AKAP9: variants seen among roughly 807,000 people sequenced by gnomAD.
The protein encoded by AKAP9 is A-kinase anchor protein 9.
AKAP9 carries 311 observed loss-of-function variants against 488.5 expected under a neutral mutation model. The ratio of observed to expected loss-of-function variants is 0.64; its 90% confidence interval spans 0.58 to 0.70. The LOEUF (loss-of-function observed/expected upper bound fraction) is 0.70, where lower values mean the gene tolerates loss of function less well. Among genes scored for constraint, AKAP9 ranks in the 30% least tolerant of loss-of-function variants. AKAP9 has a pLI of 0.00. For missense variants in AKAP9, 4,215 were observed against 4,374.5 expected (o/e 0.96, Z 1.03); for synonymous variants, 1,462 against 1,483.5 (o/e 0.99, Z 0.33).
intron 1 of AKAP9, among the ~76,000 whole-genome samples, chr7:91,972,892 TTTAAG>T (rs1410735278): frequency 2.0e-5 from 3 of 152,192 alleles, no homozygotes; most frequent in African/African-American, 4.8e-5. Flanking sequence ...CTGTTTGATA[TTTAAG>T]TTATTTCCAG....
In AKAP9 at chr7:91,940,875, G is replaced by T; in HGVS notation, c.-225G>T. On this transcript the variant is annotated 5_prime_UTR_variant, in exon 1 of 50. Coordinates refer to ENST00000356239, the MANE Select transcript of AKAP9 (RefSeq NM_005751.5). ...CCGCCTCGCCGTGTGTTTACGTGGA[G>T]ACGAAGATGGCGGCGGCGGCGGCGG... 1 of 594,418 alleles carries T rather than the reference G, an allele frequency of 1.7e-6. No homozygotes were observed. The highest frequency in any genetic ancestry group is 3.0e-6 in the Non-Finnish European group (1 of 330,294). The allele number at this position is 594,418 out of a possible 1,614,324, so 36.8% of individuals were successfully genotyped here.
At chr7:92,043,555 C>A (rs1584289144) in intron 20 of AKAP9, among the ~76,000 whole-genome samples, 1 of 151,944 alleles carries the variant, frequency 6.6e-6, no homozygotes, top group East Asian at 1.9e-4. Flanking sequence ...TTAATCATTT[C>A]TCTTAAGTAG....
Position 92,005,246 on chromosome 7 carries a change from C to T in AKAP9, c.3318+2011C>T, listed in dbSNP as rs552522648. Among the ~76,000 whole-genome samples the T allele has an allele frequency of 3.5e-4, 53 of 152,178 alleles. 1 individual carries two copies. The highest frequency in any genetic ancestry group is 5.6e-4 in the Non-Finnish European group (38 of 68,020). On this transcript the variant is annotated intron_variant, in intron 8 of 49. Coordinates refer to ENST00000356239, the MANE Select transcript of AKAP9 (RefSeq NM_005751.5). ...AGTATTTTATTGAGGATTTTTGCAT[C>T]GATGTTCATCAGGATATTGGGAATG...
At chr7:92,029,639 T>C (rs1182673944) in intron 14 of AKAP9, among the ~76,000 whole-genome samples, 4 of 152,220 alleles carry the variant, frequency 2.6e-5, no homozygotes, top group Admixed American at 6.5e-5. Context: ...TCGGTACTTA[T>C]GGTTCCATAT....
chr7:92,064,732 G>C (rs1481926664), intron 24 of AKAP9, among the ~76,000 whole-genome samples: 3 of 152,144 alleles, frequency 2.0e-5, no homozygotes, highest in African/African-American at 4.8e-5. Flanking sequence ...TTCAATTATA[G>C]CTGTATTTAT....
chr7:92,089,595 CTTATTA>C (rs756997575), intron 38 of AKAP9, 66 bp downstream of exon 38: 27 of 1,498,862 alleles, frequency 1.8e-5, no homozygotes, highest in Middle Eastern at 1.8e-4. Context: ...TGTTTTCTTT[CTTATTA>C]TTATTAAGTT....
intron 3 of AKAP9, among the ~76,000 whole-genome samples, chr7:91,984,038 G>A (rs144430265): frequency 0.011 from 1,606 of 152,262 alleles, 25 homozygotes; most frequent in African/African-American, 0.037. Flanking sequence ...TTAGCCCTTT[G>A]TCAGATAAGT....
chr7:92,089,755 T>A, intron 38 of AKAP9: 1 of 472,558 alleles, frequency 2.1e-6, no homozygotes. Context: ...ATTCCCCTGA[T>A]AAGGTTAAGC....
At chr7:91,976,292 G>A (rs1795676176) in intron 2 of AKAP9, among the ~76,000 whole-genome samples, 1 of 152,110 alleles carries the variant, frequency 6.6e-6, no homozygotes, top group African/African-American at 2.4e-5. Flanking sequence ...TGCAATCATG[G>A]CTCACTGCAG....
At chr7:92,051,671 T>G (rs2130802890) in intron 21 of AKAP9, among the ~76,000 whole-genome samples, 1 of 152,316 alleles carries the variant, frequency 6.6e-6, no homozygotes, top group South Asian at 2.1e-4. Context: ...TGGCACCAGC[T>G]ACTTTAGCAA....
rs1195810597 is a variant in AKAP9 at position 92,106,768 on chromosome 7, GGA to G, written c.11417-523_11417-522del. On this transcript the variant is annotated intron_variant, in intron 47 of 49. Coordinates refer to ENST00000356239, the MANE Select transcript of AKAP9 (RefSeq NM_005751.5). ...TAAACCACCTTTACATACTCTACCAGGAGCTGAGCATCCTACAGAGGGGAAAT... is the reference window on the plus strand; with the variant it reads ...TAAACCACCTTTACATACTCTACCAGGCTGAGCATCCTACAGAGGGGAAAT... Among the ~76,000 whole-genome samples, 8 of 152,256 alleles carry G rather than the reference GGA, an allele frequency of 5.3e-5. No homozygotes were observed. In the South Asian group the frequency reaches 1.0e-3, roughly 20 times the overall value.
chr7:91,994,733 A>T lies in AKAP9; in HGVS notation c.689A>T (p.Glu230Val). The change falls in exon 6 of 50, where the codon GAG becomes GTG. Residue 230 changes from glutamate (E) to valine (V), a missense_variant. Transcript: ENST00000356239. The part of the protein sequence containing the change: ...EKDETMREFL[E>V]LTEQSQKLQI... ...GATGAGACAATGAGAGAATTTTTAG[A>T]GTTGACAGAACAGAGTCAAAAATTA... 1.2e-6 allele frequency: 2 copies of T among 1,613,134 alleles called. No individual in the cohort carries two copies. The highest frequency in any genetic ancestry group is 8.5e-7 in the Non-Finnish European group (1 of 1,179,600).
chr7:92,069,895 AACAG>A, intron 26 of AKAP9, 131 bp from the exon 27 acceptor site: 1 of 774,726 alleles, frequency 1.3e-6, no homozygotes, highest in South Asian at 1.8e-5. Flanking sequence ...CCATTTCTTA[AACAG>A]ACAAACAAAA....
intron 30 of AKAP9, among the ~76,000 whole-genome samples, chr7:92,078,304 T>TC (rs1190705716): frequency 4.7e-4 from 59 of 125,502 alleles, no homozygotes; most frequent in African/African-American, 1.8e-3. Flanking sequence ...GGCCCAATTC[T>TC]CTTTTATTAA....
intron 33 of AKAP9, 99 bp downstream of exon 33, chr7:92,083,754 A>C: frequency 7.8e-7 from 1 of 1,274,886 alleles, no homozygotes; most frequent in Non-Finnish European, 1.1e-6. Flanking sequence ...CCAAAATGCA[A>C]CTCATTAAGG....
intron 1 of AKAP9, among the ~76,000 whole-genome samples, chr7:91,953,291 T>A (rs1022800788): frequency 6.6e-6 from 1 of 152,194 alleles, no homozygotes; most frequent in Non-Finnish European, 1.5e-5. Flanking sequence ...TAGGCAAGAT[T>A]GTGAAATCAG....
intron 25 of AKAP9, 90 bp from the exon 26 acceptor site, chr7:92,066,337 A>G: frequency 6.6e-7 from 1 of 1,510,650 alleles, no homozygotes; most frequent in Non-Finnish European, 9.1e-7. Flanking sequence ...TTCAAACAAA[A>G]CTAACATATC....
chr7:92,056,947 A>G (rs1808881786), intron 22 of AKAP9, among the ~76,000 whole-genome samples: 1 of 151,994 alleles, frequency 6.6e-6, no homozygotes, highest in Non-Finnish European at 1.5e-5. Context: ...AAATCTTTTA[A>G]TATTAAAAAG....
At chr7:92,101,352 G>A (rs548445714) in intron 45 of AKAP9, among the ~76,000 whole-genome samples, 72 of 151,750 alleles carry the variant, frequency 4.7e-4, no homozygotes, top group African/African-American at 1.7e-3. Context: ...CAGGAGAATC[G>A]CTTGAACCCA....
Sources: allele counts gnomAD v4.1 joint callset (sites outside exome capture counted in the v4.1 genomes callset), GRCh38; gene constraint gnomAD v4.1.1; transcripts MANE v1.5; gene names NCBI Gene and HGNC (gene_info 2026-07-23, HGNC 2026-07-21).